The following STT3B variants were observed in gnomAD, a reference collection of about 807,000 sequenced individuals.
STT3B encodes the protein STT3 oligosaccharyltransferase complex catalytic subunit B.
In STT3B, 29 loss-of-function variants were observed where a neutral mutation model predicts 96.8. The ratio of observed to expected loss-of-function variants is 0.30; its 90% CI spans 0.22 to 0.41. The LOEUF (loss-of-function observed/expected upper bound fraction) is 0.41, where lower values mean the gene tolerates loss of function less well. STT3B is among the 10% of genes least tolerant of loss of function. The pLI is 1.00. For synonymous variants in STT3B, 367 were observed against 360.0 expected, an observed-to-expected ratio of 1.02 and a Z score of -0.22; for missense variants, 640 against 1,022.3, an observed-to-expected ratio of 0.63 and a Z score of 5.10.
intron 2 of STT3B, among the ~76,000 whole-genome samples, chr3:31,577,559 T>C (rs991274181): frequency 6.6e-6 from 1 of 152,192 alleles, no homozygotes; most frequent in African/African-American, 2.4e-5. Flanking sequence ...TTCAATCCTT[T>C]AAAATTTATT....
At chr3:31,625,868 T>G in intron 12 of STT3B, 86 bp from the exon 13 acceptor site, 5 of 1,264,920 alleles carry the variant, frequency 4.0e-6, no homozygotes, top group Non-Finnish European at 5.4e-6. Flanking sequence ...TCTTGATGAA[T>G]TCCATGTTGT....
At chr3:31,548,404 C>T (rs1697468845) in intron 1 of STT3B, among the ~76,000 whole-genome samples, 1 of 151,814 alleles carries the variant, frequency 6.6e-6, no homozygotes, top group African/African-American at 2.4e-5. Flanking sequence ...ACAAATGACT[C>T]ATTTGTAAAA....
At chr3:31,581,668 GTGTC>G (rs1318473455) in intron 3 of STT3B, among the ~76,000 whole-genome samples, 8 of 152,168 alleles carry the variant, frequency 5.3e-5, no homozygotes, top group Non-Finnish European at 8.8e-5. Flanking sequence ...TTTACTTGCA[GTGTC>G]TGTCTGTCTT....
At chr3:31,603,820 CTTTAAA>C (rs1470949094) in intron 5 of STT3B, among the ~76,000 whole-genome samples, 6 of 151,994 alleles carry the variant, frequency 3.9e-5, no homozygotes, top group African/African-American at 1.2e-4. Context: ...ATTATGCAGC[CTTTAAA>C]TTTAATCTTT....
In STT3B at chr3:31,592,771, C is replaced by G. The variant is rs542646315; in HGVS notation, c.712-4027C>G. 2.9e-3 allele frequency among the ~76,000 whole-genome samples: 436 copies of G among 152,202 alleles called. 5 individuals are homozygous for G. Among genetic ancestry groups the G allele is most frequent in the African/African-American group, 1.0e-2 (414 of 41,534 alleles). The stretch of plus-strand genomic sequence containing the variant: ...TATTCACGGTGACTTTCTAATTTCC[C>G]GTCATATATTTCTTTGTATATGTGG... On this transcript the variant is annotated intron_variant, in intron 3 of 15. Coordinates refer to ENST00000295770, the MANE Select transcript of STT3B (RefSeq NM_178862.3).
intron 1 of STT3B, among the ~76,000 whole-genome samples, chr3:31,560,325 C>A (rs977880137): frequency 2.0e-5 from 3 of 151,820 alleles, no homozygotes; most frequent in African/African-American, 4.8e-5. Flanking sequence ...TGAGTCTTTT[C>A]TTTGTGTGTG....
intron 5 of STT3B, among the ~76,000 whole-genome samples, chr3:31,604,375 A>G (rs952181703): frequency 6.6e-6 from 1 of 152,168 alleles, no homozygotes; most frequent in Non-Finnish European, 1.5e-5. Flanking sequence ...CTGTAAACAG[A>G]ACACAGCTAA....
intron 13 of STT3B, among the ~76,000 whole-genome samples, chr3:31,626,978 C>G (rs1699551290): frequency 6.6e-6 from 1 of 152,188 alleles, no homozygotes; most frequent in South Asian, 2.1e-4. Flanking sequence ...CTTTCCTTGA[C>G]TCACCTGACA....
At chr3:31,544,805 A>C (rs556455411) in intron 1 of STT3B, among the ~76,000 whole-genome samples, 8 of 152,204 alleles carry the variant, frequency 5.3e-5, no homozygotes, top group African/African-American at 1.4e-4. Context: ...ATGAAACCCT[A>C]TCTCTACTAG....
Position 31,535,543 on chromosome 3 carries a change from G to A in STT3B, c.314+2231G>A, listed in dbSNP as rs969941490. On this transcript the variant is annotated intron_variant, in intron 1 of 15. Transcript: ENST00000295770. ...GTTCGAGACCAGCCTGGCCAACATG[G>A]TGAAACCCCCTCTCTACTAAAAATA... Among the ~76,000 whole-genome samples the A allele has an allele frequency of 2.6e-5, 4 of 152,052 alleles. No homozygotes were observed. In the South Asian group the frequency reaches 8.3e-4, roughly 32 times the overall value.
chr3:31,604,748 G>C (rs952316742), intron 5 of STT3B, among the ~76,000 whole-genome samples: 2 of 152,184 alleles, frequency 1.3e-5, no homozygotes, highest in Non-Finnish European at 2.9e-5. Flanking sequence ...TTGGAGATAA[G>C]TCTTGATCTT....
intron 4 of STT3B, 33 bp downstream of exon 4, chr3:31,596,896 T>TCA: frequency 6.6e-7 from 1 of 1,505,148 alleles, no homozygotes; most frequent in Non-Finnish European, 9.2e-7. Flanking sequence ...ACATGAAGTC[T>TCA]AGTAGGTCTC....
rs1697467321 is a variant in STT3B at position 31,548,365 on chromosome 3, A to G, written c.314+15053A>G. Among the ~76,000 whole-genome samples, 6 of 152,182 alleles carry G rather than the reference A, an allele frequency of 3.9e-5. No individual in the cohort carries two copies. The South Asian group carries it at 1.2e-3, about 32-fold the overall frequency. Reference sequence around the variant, plus strand: ...AAAATGTTTCTGTGAAACCGGGGAGAAAAAAACAGCCATTTTTTTCCCTGT... The same window carrying G: ...AAAATGTTTCTGTGAAACCGGGGAGGAAAAAACAGCCATTTTTTTCCCTGT... On this transcript the variant is annotated intron_variant, in intron 1 of 15. Coordinates refer to ENST00000295770, the MANE Select transcript of STT3B (RefSeq NM_178862.3).
At chr3:31,606,266 ATG>A (rs1223133174) in intron 5 of STT3B, among the ~76,000 whole-genome samples, 1 of 152,216 alleles carries the variant, frequency 6.6e-6, no homozygotes, top group Non-Finnish European at 1.5e-5. Flanking sequence ...CTGCAGAAAT[ATG>A]TGTAAGTAAC....
chr3:31,623,808 A>G lies in STT3B; in HGVS notation c.1674A>G (p.Thr558=), dbSNP rs369454738. 5 of 1,614,032 alleles carry G rather than the reference A, an allele frequency of 3.1e-6. No homozygotes were observed. The highest frequency in any genetic ancestry group is 4.2e-6 in the Non-Finnish European group (5 of 1,179,904). Residue 558 remains threonine (T), a synonymous_variant, in exon 11 of 16, where the codon ACA becomes ACG. Coordinates refer to ENST00000295770, the MANE Select transcript of STT3B (RefSeq NM_178862.3). ...MMFAVHCTWV[T]SNAYSSPSVV... The stretch of plus-strand genomic sequence containing the variant: ...TTGCTGTCCACTGTACCTGGGTCAC[A>G]AGCAATGCCTACTCTAGTCCAAGTG...
chr3:31,636,746 A>G lies in STT3B; in HGVS notation c.*682A>G, dbSNP rs760769229. On this transcript the variant is annotated 3_prime_UTR_variant, in exon 16 of 16. Coordinates refer to ENST00000295770, the MANE Select transcript of STT3B (RefSeq NM_178862.3). ...CTGTTAGCAGTCGTTTTCACCAGGT[A>G]CTTACAGAGCAGATTTCATACATCA... 1 of 152,194 alleles carries G rather than the reference A, an allele frequency of 6.6e-6. No individual in the cohort carries two copies. Among genetic ancestry groups the G allele is most frequent in the African/African-American group, 2.4e-5 (1 of 41,446 alleles). The allele number at this position is 152,194 out of a possible 1,614,324, so 9.4% of individuals were successfully genotyped here.
Position 31,541,575 on chromosome 3 carries a change from TTTTG to T in STT3B, c.314+8279_314+8282del, listed in dbSNP as rs371554304. Reference sequence around the variant, plus strand: ...AAGTAATAAAGTTCAGCAATAATTTTTTTGTTTGTTTGTTTGTTTTAGATGGAGT... The same window carrying T: ...AAGTAATAAAGTTCAGCAATAATTTTTTTGTTTGTTTGTTTTAGATGGAGT... On this transcript the variant is annotated intron_variant, in intron 1 of 15. Coordinates refer to ENST00000295770, the MANE Select transcript of STT3B (RefSeq NM_178862.3). Among the ~76,000 whole-genome samples the T allele has an allele frequency of 5.3e-3, 799 of 151,920 alleles. 3 individuals carry two copies. Among genetic ancestry groups the T allele is most frequent in the Non-Finnish European group, 7.3e-3 (498 of 67,948 alleles).
intron 1 of STT3B, among the ~76,000 whole-genome samples, chr3:31,558,798 C>T (rs1337461799): frequency 1.3e-5 from 2 of 150,792 alleles, no homozygotes; most frequent in Non-Finnish European, 2.9e-5. Context: ...AATTCCTGGA[C>T]ATTTTTTGTT....
intron 1 of STT3B, among the ~76,000 whole-genome samples, chr3:31,541,445 C>G (rs1196706088): frequency 7.4e-6 from 1 of 135,084 alleles, no homozygotes; most frequent in African/African-American, 2.8e-5. Context: ...GGAATTGTGG[C>G]TTTTGTGTCT....
Sources: allele counts gnomAD v4.1 joint callset (sites outside exome capture counted in the v4.1 genomes callset), GRCh38; gene constraint gnomAD v4.1.1; transcripts MANE v1.5; gene names NCBI Gene and HGNC (gene_info 2026-07-23, HGNC 2026-07-21).